Variants in CASK observed in about 807,000 individuals in gnomAD.
The protein encoded by CASK is peripheral plasma membrane protein CASK.
In CASK, 4 loss-of-function variants were observed where a neutral mutation model predicts 82.9. The observed-to-expected ratio is 0.05, with a 90% CI of 0.02 to 0.11. The LOEUF (loss-of-function observed/expected upper bound fraction) is 0.11, where lower values mean the gene tolerates loss of function less well. Among genes scored for constraint, CASK ranks in the 10% least tolerant of loss-of-function variants. CASK has a pLI of 1.00. For synonymous variants in CASK, 259 were observed against 253.5 expected (o/e 1.02, Z -0.20); for missense variants, 358 against 720.9 (o/e 0.50, Z 5.76).
intron 3 of CASK, among the ~76,000 whole-genome samples, chrX:41,766,089 A>G (rs2069108465): frequency 8.9e-6 from 1 of 112,013 alleles, no homozygotes; most frequent in Admixed American, 9.5e-5. Context: ...AACTATGTAA[A>G]TAAAAAAACA....
chrX:41,674,244 T>TA (rs529912199), intron 5 of CASK, among the ~76,000 whole-genome samples: 391 of 110,823 alleles, frequency 3.5e-3, no homozygotes, highest in Non-Finnish European at 6.2e-3. Context: ...CAGGGTGCCT[T>TA]AGACACTGAG....
chrX:41,663,396 AAATT>A (rs1385493760), intron 7 of CASK, among the ~76,000 whole-genome samples: 10 of 111,445 alleles, frequency 9.0e-5, no homozygotes, highest in Non-Finnish European at 1.9e-4. Context: ...AAAAGTAAAT[AAATT>A]ATTAACCTCA....
chrX:41,616,606 CTT>C (rs377377142), intron 11 of CASK, among the ~76,000 whole-genome samples: 2 of 99,174 alleles, frequency 2.0e-5, no homozygotes, highest in Admixed American at 1.1e-4. Flanking sequence ...TAACCAAAAT[CTT>C]TTTTTTTTTT....
intron 8 of CASK, among the ~76,000 whole-genome samples, chrX:41,659,373 G>A (rs1219817435): frequency 5.5e-5 from 6 of 109,932 alleles, no homozygotes; most frequent in South Asian, 4.1e-4. Context: ...GGCTACAGGC[G>A]CCCGCCACCA....
chrX:41,865,831 T>C, intron 1 of CASK, among the ~76,000 whole-genome samples: 1 of 111,821 alleles, frequency 8.9e-6, no homozygotes, highest in East Asian at 2.8e-4. Flanking sequence ...TCCCACTCAA[T>C]CCCTGCTGAT....
Position 41,517,900 on chromosome X carries a change from TG to T in CASK, c.*2519del, listed in dbSNP as rs2064583135. 3.9e-6 allele frequency: 2 copies of T among 511,713 alleles called. No individual in the cohort carries two copies. Among genetic ancestry groups the T allele is most frequent in the African/African-American group, 4.7e-5 (2 of 42,229 alleles). The allele number at this position is 511,713 out of a possible 1,213,427, so 42.2% of individuals were successfully genotyped here. A position where few individuals can be genotyped will look rare whatever the true frequency, so the allele number is the denominator to read the frequency against. ...TAAAGACACTGCTTTAGAGAAGACA[TG>T]TATTAGTGGAATGGAACAGGTAACA... is the stretch of plus-strand genomic sequence containing the variant. On this transcript the variant is annotated 3_prime_UTR_variant, in exon 27 of 27. Transcript: ENST00000378163.
chrX:41,813,923 G>C (rs1260711702), intron 2 of CASK, among the ~76,000 whole-genome samples: 2 of 111,960 alleles, frequency 1.8e-5, no homozygotes, highest in African/African-American at 6.5e-5. Flanking sequence ...CCATCAAAAA[G>C]TGGGTGAAGG....
chrX:41,911,785 C>T (rs192332373), intron 1 of CASK, among the ~76,000 whole-genome samples: 3 of 111,568 alleles, frequency 2.7e-5, no homozygotes, highest in South Asian at 7.5e-4. Context: ...CACAACACTA[C>T]GGAATTATAA....
At chrX:41,854,214 GCGGGCGCGCGCACACACACACACA>G (rs1394138715) in intron 1 of CASK, among the ~76,000 whole-genome samples, 1 of 88,067 alleles carries the variant, frequency 1.1e-5, no homozygotes, top group African/African-American at 4.3e-5. Flanking sequence ...GCGCGCGCGC[GCGGGCGCGCGCACACACACACACA>G]CACACACACA....
intron 5 of CASK, among the ~76,000 whole-genome samples, chrX:41,711,961 A>G (rs1420935236): frequency 8.9e-6 from 1 of 112,639 alleles, no homozygotes; most frequent in Non-Finnish European, 1.9e-5. Context: ...GTGGATAAGG[A>G]CAGGAGCTTG....
chrX:41,917,408 G>A (rs1569482895), intron 1 of CASK, among the ~76,000 whole-genome samples: 1 of 112,300 alleles, frequency 8.9e-6, no homozygotes, highest in African/African-American at 3.2e-5. Flanking sequence ...TAAATGCAGT[G>A]CTCCTACCAC....
At chrX:41,652,862 TCTAACAAA>T (rs1345502002) in intron 8 of CASK, among the ~76,000 whole-genome samples, 1 of 112,316 alleles carries the variant, frequency 8.9e-6, no homozygotes, top group Non-Finnish European at 1.9e-5. Context: ...TGTGAGCTGA[TCTAACAAA>T]TTAATGGAAC....
chrX:41,853,567 A>G, intron 1 of CASK, among the ~76,000 whole-genome samples: 1 of 111,998 alleles, frequency 8.9e-6, no homozygotes, highest in Admixed American at 9.5e-5. Flanking sequence ...CTTAAACAAA[A>G]TAAGTGAAGT....
At chrX:41,544,937 C>T (rs1327065699) in intron 21 of CASK, among the ~76,000 whole-genome samples, 1 of 111,247 alleles carries the variant, frequency 9.0e-6, no homozygotes, top group African/African-American at 3.3e-5. Context: ...AGAAATCCTT[C>T]CTTGTCCCAG....
chrX:41,520,765 G>A (rs2064626001), intron 26 of CASK, among the ~76,000 whole-genome samples, 169 bp from the exon 27 acceptor site: 1 of 111,899 alleles, frequency 8.9e-6, no homozygotes, highest in South Asian at 3.7e-4. Flanking sequence ...GGCCAAGTCC[G>A]CTCCATGACA....
rs2071687330 is a variant in CASK at position 41,870,482 on chromosome X, AC to A, written c.60-17256del. On this transcript the variant is annotated intron_variant, in intron 1 of 26. Coordinates refer to ENST00000378163, the MANE Select transcript of CASK (RefSeq NM_001367721.1). ...GGATACTTCAGGCAGAAGGAAAACT[AC>A]CCCGGATAGAAAGTCAAAGATACAG... Among the ~76,000 whole-genome samples, 3 of 112,375 alleles carry A rather than the reference AC, an allele frequency of 2.7e-5. 1 individual carries two copies. In the South Asian group the frequency reaches 1.1e-3, roughly 41 times the overall value.
At chrX:41,846,856 A>C (rs980211736) in intron 2 of CASK, among the ~76,000 whole-genome samples, 1 of 112,259 alleles carries the variant, frequency 8.9e-6, no homozygotes, top group African/African-American at 3.2e-5. Context: ...CAATATCTTC[A>C]TTTATCCTAC....
chrX:41,746,693 T>G (rs1053181836), intron 3 of CASK, among the ~76,000 whole-genome samples: 1 of 111,970 alleles, frequency 8.9e-6, no homozygotes, highest in African/African-American at 3.2e-5. Flanking sequence ...CCAATATACC[T>G]GCTGCAGATA....
At chrX:41,588,833 G>A (rs1221128363) in intron 13 of CASK, among the ~76,000 whole-genome samples, 1 of 110,282 alleles carries the variant, frequency 9.1e-6, no homozygotes, top group African/African-American at 3.3e-5. Context: ...GCAGTCATTA[G>A]AAGTTATATT....
Sources: allele counts gnomAD v4.1 joint callset (sites outside exome capture counted in the v4.1 genomes callset), GRCh38; gene constraint gnomAD v4.1.1; transcripts MANE v1.5; gene names NCBI Gene and HGNC (gene_info 2026-07-23, HGNC 2026-07-21).